SCHIP1: variants seen among roughly 807,000 people sequenced by gnomAD.
SCHIP1 encodes the protein schwannomin interacting protein 1.
A neutral mutation model predicts 29.7 loss-of-function variants in SCHIP1; 8 were observed. The observed-to-expected ratio is 0.27, with a 90% CI of 0.16 to 0.49. The LOEUF is 0.49. Among genes scored for constraint, SCHIP1 ranks in the 20% least tolerant of loss-of-function variants. SCHIP1 has a pLI of 0.99. For missense variants in SCHIP1, 193 were observed against 294.6 expected (o/e 0.66, Z 2.52); for synonymous variants, 76 against 94.9 (o/e 0.80, Z 1.16).
At chr3:159,275,215 G>C in the SCHIP1 span, 362 of 324,778 alleles carry the variant, frequency 1.1e-3, no homozygotes, top group Middle Eastern at 1.6e-3. Flanking sequence ...AGAATGAAAG[G>C]TAGATTTATG....
At chr3:159,559,939 A>G in the SCHIP1 span, among the ~76,000 whole-genome samples, 1 of 152,210 alleles carries the variant, frequency 6.6e-6, no homozygotes, top group Non-Finnish European at 1.5e-5. Flanking sequence ...TAGATAAATA[A>G]GAATTATTCT....
chr3:159,651,933 A>C, the SCHIP1 span, among the ~76,000 whole-genome samples: 8 of 152,146 alleles, frequency 5.3e-5, no homozygotes, highest in Non-Finnish European at 2.9e-5. Context: ...CATCTTTATT[A>C]AAAATACCAA....
At chr3:159,548,640 CTCTT>C in the SCHIP1 span, among the ~76,000 whole-genome samples, 1 of 151,958 alleles carries the variant, frequency 6.6e-6, no homozygotes, top group Non-Finnish European at 1.5e-5. Flanking sequence ...CTATTGCTCT[CTCTT>C]AAGTTTACTT....
At chr3:159,413,145 A>G in the SCHIP1 span, among the ~76,000 whole-genome samples, 1 of 152,152 alleles carries the variant, frequency 6.6e-6, no homozygotes, top group Admixed American at 6.5e-5. Context: ...TGAGAACAGC[A>G]TGGGGAAACT....
intron 1 of SCHIP1, among the ~76,000 whole-genome samples, chr3:159,840,652 C>A (rs1744138809): frequency 6.6e-6 from 1 of 152,074 alleles, no homozygotes; most frequent in Non-Finnish European, 1.5e-5. Flanking sequence ...TAGATAGTCG[C>A]GATTGATAAT....
the SCHIP1 span, among the ~76,000 whole-genome samples, chr3:159,744,992 AAG>A: frequency 1.3e-5 from 2 of 148,992 alleles, no homozygotes; most frequent in African/African-American, 5.2e-5. Context: ...AAAAAAAAAA[AAG>A]AAGAAGAAGA....
chr3:159,626,243 TCTATCTATATAGATAGATAG>T, the SCHIP1 span, among the ~76,000 whole-genome samples: 699 of 111,920 alleles, frequency 6.2e-3, 28 homozygotes, highest in African/African-American at 0.028. Flanking sequence ...GATATATCTA[TCTATCTATATAGATAGATAG>T]ATAGATAGAT....
At chr3:159,499,084 C>T in the SCHIP1 span, among the ~76,000 whole-genome samples, 3 of 152,178 alleles carry the variant, frequency 2.0e-5, no homozygotes, top group Admixed American at 2.0e-4. Context: ...CCATTAACAC[C>T]TTTGAGATTA....
the SCHIP1 span, among the ~76,000 whole-genome samples, chr3:159,421,387 G>A: frequency 6.6e-6 from 1 of 152,314 alleles, no homozygotes; most frequent in African/African-American, 2.4e-5. Context: ...TTCATCAAGA[G>A]GAATCCTGGG....
the SCHIP1 span, among the ~76,000 whole-genome samples, chr3:159,667,003 C>A: frequency 1.3e-5 from 2 of 152,198 alleles, no homozygotes; most frequent in Non-Finnish European, 2.9e-5. Flanking sequence ...ATGTTACCCA[C>A]CTCATGATCT....
chr3:159,454,475 C>G, the SCHIP1 span, among the ~76,000 whole-genome samples: 1 of 152,046 alleles, frequency 6.6e-6, no homozygotes, highest in African/African-American at 2.4e-5. Flanking sequence ...GTTACCAGGT[C>G]TCAGGTAGCA....
At chr3:159,410,515 G>A in the SCHIP1 span, among the ~76,000 whole-genome samples, 1 of 151,674 alleles carries the variant, frequency 6.6e-6, no homozygotes, top group Non-Finnish European at 1.5e-5. Flanking sequence ...TGGCAAACAG[G>A]CCTATGAAAA....
chr3:159,380,581 C>T, the SCHIP1 span, among the ~76,000 whole-genome samples: 2 of 151,914 alleles, frequency 1.3e-5, no homozygotes, highest in African/African-American at 4.8e-5. Context: ...TAGCTTTATA[C>T]AATAATATAT....
chr3:159,341,999 A>C, the SCHIP1 span, among the ~76,000 whole-genome samples: 1 of 152,228 alleles, frequency 6.6e-6, no homozygotes. Context: ...GGGAATATAT[A>C]TAGTTCTTCA....
chr3:159,587,292 A>C, the SCHIP1 span, among the ~76,000 whole-genome samples: 9 of 152,188 alleles, frequency 5.9e-5, no homozygotes, highest in Admixed American at 5.2e-4. Context: ...TTTAAACGAA[A>C]GTATCTTTAT....
chr3:159,718,166 G>A, the SCHIP1 span, among the ~76,000 whole-genome samples: 1 of 152,108 alleles, frequency 6.6e-6, no homozygotes, highest in Non-Finnish European at 1.5e-5. Context: ...AAAGGCCTTC[G>A]ACAAAATTTC....
the SCHIP1 span, among the ~76,000 whole-genome samples, chr3:159,759,533 G>T: frequency 2.6e-5 from 4 of 152,088 alleles, no homozygotes; most frequent in African/African-American, 7.2e-5. Flanking sequence ...GTTACTATTT[G>T]CCAAACACTG....
chr3:159,526,182 T>C, the SCHIP1 span, among the ~76,000 whole-genome samples: 1 of 152,178 alleles, frequency 6.6e-6, no homozygotes, highest in Non-Finnish European at 1.5e-5. Context: ...CACAACCTTT[T>C]ATTTTATTTT....
At chr3:159,417,878 A>C in the SCHIP1 span, among the ~76,000 whole-genome samples, 1 of 151,862 alleles carries the variant, frequency 6.6e-6, no homozygotes, top group Middle Eastern at 3.4e-3. Flanking sequence ...CTGCCAGGGT[A>C]TATGAGGCAC....
Sources: allele counts gnomAD v4.1 joint callset (sites outside exome capture counted in the v4.1 genomes callset), GRCh38; gene constraint gnomAD v4.1.1; transcripts MANE v1.5; gene names NCBI Gene and HGNC (gene_info 2026-07-23, HGNC 2026-07-21).